KSR2: variants seen among roughly 807,000 people sequenced by gnomAD.
KSR2 encodes kinase suppressor of ras 2.
A neutral mutation model predicts 107.8 loss-of-function variants in KSR2; 25 were observed. The observed-to-expected ratio is 0.23, with a 90% confidence interval of 0.17 to 0.32. KSR2 has a LOEUF of 0.32. KSR2 is among the 10% of genes least tolerant of loss of function. The pLI is 1.00. For synonymous variants in KSR2, 480 were observed against 507.0 expected, an observed-to-expected ratio of 0.95 and a Z score of 0.71; for missense variants, 887 against 1,268.9, an observed-to-expected ratio of 0.70 and a Z score of 4.57.
At chr12:117,775,656 A>G (rs1889660667) in intron 3 of KSR2, among the ~76,000 whole-genome samples, 1 of 152,232 alleles carries the variant, frequency 6.6e-6, no homozygotes, top group Admixed American at 6.5e-5. Flanking sequence ...CCCAGGGGAT[A>G]GGAATCATCA....
intron 1 of KSR2, among the ~76,000 whole-genome samples, chr12:117,906,613 A>C (rs1037081857): frequency 2.0e-5 from 3 of 152,008 alleles, no homozygotes; most frequent in Admixed American, 6.6e-5. Context: ...TCTCAAAAAA[A>C]AAAAACTGCT....
At chr12:117,484,371 C>T (rs922108740) in intron 16 of KSR2, 45 bp downstream of exon 16, 1 of 1,606,500 alleles carries the variant, frequency 6.2e-7, no homozygotes. Flanking sequence ...ACCTCCTGAC[C>T]ATCATCTGTC....
chr12:117,575,143 A>G (rs77411148), intron 7 of KSR2, among the ~76,000 whole-genome samples: 10 of 152,258 alleles, frequency 6.6e-5, no homozygotes, highest in Non-Finnish European at 1.5e-4. Context: ...TAATTTACTT[A>G]CTGTCTGCCC....
At chr12:117,840,259 G>A (rs1892413811) in intron 3 of KSR2, among the ~76,000 whole-genome samples, 1 of 151,968 alleles carries the variant, frequency 6.6e-6, no homozygotes, top group South Asian at 2.1e-4. Context: ...CACAACGCCT[G>A]GCTAATTTTT....
chr12:117,539,996 C>T lies in KSR2; in HGVS notation c.1519-109G>A. ...CCCCACCCCAGCCCCTGCAACAATT[C>T]TTGCCCTTTCCTCAGCCACCAGATC... is the stretch of plus-strand genomic sequence containing the variant. On this transcript the variant is annotated intron_variant, in intron 9 of 19. Coordinates refer to ENST00000339824, the MANE Select transcript of KSR2 (RefSeq NM_173598.6). The T allele has an allele frequency of 3.3e-6, 3 of 901,506 alleles. No homozygotes were observed. In the South Asian group the frequency reaches 5.1e-5, roughly 15 times the overall value. 55.8% of individuals were successfully genotyped at this position (901,506 alleles called of 1,614,324 possible). A position where few individuals can be genotyped will look rare whatever the true frequency, so the allele number is the denominator to read the frequency against.
intron 5 of KSR2, among the ~76,000 whole-genome samples, chr12:117,648,160 C>T (rs571076720): frequency 1.5e-4 from 23 of 152,144 alleles, no homozygotes; most frequent in African/African-American, 5.1e-4. Context: ...TACTCCATTG[C>T]CAATATTTTA....
intron 4 of KSR2, among the ~76,000 whole-genome samples, chr12:117,752,747 T>C (rs1303047181): frequency 1.3e-5 from 2 of 152,264 alleles, no homozygotes; most frequent in Non-Finnish European, 2.9e-5. Flanking sequence ...TCCTTTTTAA[T>C]ACTGAGCTTC....
chr12:117,765,494 T>C (rs1184718726), intron 3 of KSR2, among the ~76,000 whole-genome samples: 1 of 152,228 alleles, frequency 6.6e-6, no homozygotes, highest in Non-Finnish European at 1.5e-5. Context: ...ATGGCTTTGT[T>C]GGAGGGTGCA....
At chr12:117,844,393 C>T (rs1236857302) in intron 3 of KSR2, among the ~76,000 whole-genome samples, 1 of 151,746 alleles carries the variant, frequency 6.6e-6, no homozygotes, top group Non-Finnish European at 1.5e-5. Flanking sequence ...GTTAATGAAA[C>T]CAATGACAGA....
At chr12:117,698,403 C>G (rs1030178100) in intron 4 of KSR2, among the ~76,000 whole-genome samples, 1 of 151,984 alleles carries the variant, frequency 6.6e-6, no homozygotes, top group Non-Finnish European at 1.5e-5. Flanking sequence ...GCAGCCTCTA[C>G]CTCCCAGGCT....
intron 9 of KSR2, 124 bp downstream of exon 9, chr12:117,555,045 A>T (rs1877563317): frequency 8.6e-7 from 1 of 1,159,536 alleles, no homozygotes; most frequent in African/African-American, 1.5e-5. Context: ...ACATCACAGA[A>T]TTAGGGGAGC....
intron 1 of KSR2, among the ~76,000 whole-genome samples, chr12:117,899,548 A>C (rs1894621855): frequency 6.6e-6 from 1 of 152,172 alleles, no homozygotes. Flanking sequence ...GAAGTTAAAT[A>C]GTTTTGCCAA....
Position 117,793,498 on chromosome 12 carries a change from C to T in KSR2, c.473-31974G>A, listed in dbSNP as rs370312149. Among the ~76,000 whole-genome samples, 42 of 148,752 alleles carry T rather than the reference C, an allele frequency of 2.8e-4. No individual in the cohort carries two copies. In the East Asian group the frequency reaches 6.2e-3, roughly 22 times the overall value. On this transcript the variant is annotated intron_variant, in intron 3 of 19. Transcript: ENST00000339824. ...ATGCACACTCACATCAACATGCACA[C>T]ACCCTTACACCAATATGCACACATA... is the stretch of plus-strand genomic sequence containing the variant.
intron 4 of KSR2, among the ~76,000 whole-genome samples, chr12:117,721,461 G>C (rs1231183881): frequency 6.6e-6 from 1 of 152,148 alleles, no homozygotes; most frequent in Non-Finnish European, 1.5e-5. Context: ...GATTTCTACT[G>C]TTGTCCCAGA....
At chr12:117,695,542 C>CAAA (rs770628810) in intron 4 of KSR2, among the ~76,000 whole-genome samples, 70 of 131,278 alleles carry the variant, frequency 5.3e-4, no homozygotes, top group Non-Finnish European at 8.3e-4. Flanking sequence ...CCCATTTCTA[C>CAAA]AAAAAAAAAA....
chr12:117,876,537 C>CAAACAATAG (rs1456732864), intron 1 of KSR2, among the ~76,000 whole-genome samples: 3 of 151,984 alleles, frequency 2.0e-5, no homozygotes, highest in African/African-American at 7.2e-5. Context: ...ATGGATATTA[C>CAAACAATAG]AAACAATAGA....
intron 4 of KSR2, among the ~76,000 whole-genome samples, chr12:117,734,929 G>T (rs1355621150): frequency 2.0e-5 from 3 of 152,152 alleles, no homozygotes; most frequent in African/African-American, 7.2e-5. Flanking sequence ...CTGTTTTGTG[G>T]TTACTTTGTG....
chr12:117,855,252 G>C (rs1429959612), intron 3 of KSR2, among the ~76,000 whole-genome samples, 176 bp downstream of exon 3: 1 of 152,206 alleles, frequency 6.6e-6, no homozygotes. Context: ...GCCCTTGCTG[G>C]TGTCTTCCGG....
At chr12:117,568,979 G>C (rs942574383) in intron 7 of KSR2, among the ~76,000 whole-genome samples, 1 of 152,158 alleles carries the variant, frequency 6.6e-6, no homozygotes, top group Admixed American at 6.5e-5. Context: ...TATCCTGCCT[G>C]TTGTACAAAC....
Sources: gnomAD v4.1 joint callset for allele counts (sites outside exome capture counted in the v4.1 genomes callset) on GRCh38, gnomAD v4.1.1 for gene constraint, MANE v1.5 for transcripts, NCBI Gene and HGNC (gene_info 2026-07-23, HGNC 2026-07-21) for gene names.